The following MPP7 variants were observed in gnomAD, a reference collection of about 807,000 sequenced individuals.
MPP7 encodes the protein MAGUK p55 subfamily member 7.
A neutral mutation model predicts 76.5 loss-of-function variants in MPP7; 60 were observed. That is an observed-to-expected ratio of 0.78 (90% CI 0.64 to 0.97). The LOEUF (loss-of-function observed/expected upper bound fraction) is 0.97, where lower values mean the gene tolerates loss of function less well. Among genes scored for constraint, MPP7 ranks in the 50% least tolerant of loss-of-function variants. The pLI, the probability that MPP7 is intolerant of heterozygous loss-of-function variation, is 0.00. For synonymous variants in MPP7, 237 were observed against 244.5 expected, an observed-to-expected ratio of 0.97 and a Z score of 0.29; for missense variants, 641 against 694.0, an observed-to-expected ratio of 0.92 and a Z score of 0.86.
At chr10:28,138,231 T>G (rs1481143485) in intron 5 of MPP7, among the ~76,000 whole-genome samples, 1 of 152,238 alleles carries the variant, frequency 6.6e-6, no homozygotes, top group African/African-American at 2.4e-5. Context: ...CTCATACAGT[T>G]TAATTTGCCT....
intron 13 of MPP7, among the ~76,000 whole-genome samples, 162 bp downstream of exon 13, chr10:28,069,606 AAAAC>A (rs1564615116): frequency 1.8e-4 from 23 of 131,004 alleles, no homozygotes; most frequent in African/African-American, 6.7e-4. Context: ...CCATCTCAAA[AAAAC>A]AAAACAAACA....
chr10:28,111,874 G>T (rs1834516500), intron 11 of MPP7, among the ~76,000 whole-genome samples: 1 of 152,114 alleles, frequency 6.6e-6, no homozygotes, highest in South Asian at 2.1e-4. Flanking sequence ...ATGAGTCAAG[G>T]TACAAAGCAT....
chr10:28,057,842 C>T (rs974011762), intron 15 of MPP7: 1 of 1,259,450 alleles, frequency 7.9e-7, no homozygotes, highest in African/African-American at 1.6e-5. Flanking sequence ...AAGGAGAAAC[C>T]ATGGTCCCTG....
Position 28,058,646 on chromosome 10 carries a change from A to G in MPP7, c.1299-43T>C, listed in dbSNP as rs773487963. 6.5e-6 allele frequency: 7 copies of G among 1,079,668 alleles called. No individual in the cohort carries two copies. In the Admixed American group the frequency reaches 1.1e-4, roughly 17 times the overall value. The allele number at this position is 1,079,668 out of a possible 1,614,324, so 66.9% of individuals were successfully genotyped here. The stretch of plus-strand genomic sequence containing the variant: ...CATTGGAATCATTTGTGAATTTAAA[A>G]CAATTATAGGTGGCAAGATAAAATT... On this transcript the variant is annotated intron_variant, in intron 14 of 16. Transcript: ENST00000683449.
At chr10:28,179,881 A>G (rs1464629505) in intron 3 of MPP7, among the ~76,000 whole-genome samples, 1 of 152,212 alleles carries the variant, frequency 6.6e-6, no homozygotes, top group Non-Finnish European at 1.5e-5. Context: ...AAACAAATGA[A>G]ATTCACAAAT....
chr10:28,081,331 A>C (rs538246005), intron 12 of MPP7, among the ~76,000 whole-genome samples: 2 of 152,140 alleles, frequency 1.3e-5, no homozygotes, highest in South Asian at 4.1e-4. Flanking sequence ...TGACTTTATT[A>C]CTTTACTTTT....
intron 3 of MPP7, among the ~76,000 whole-genome samples, chr10:28,198,121 T>C (rs1294083526): frequency 1.3e-5 from 2 of 152,184 alleles, no homozygotes; most frequent in Non-Finnish European, 2.9e-5. Flanking sequence ...CATTTTTTCC[T>C]CCTGTTCCCA....
intron 1 of MPP7, among the ~76,000 whole-genome samples, chr10:28,257,173 G>T (rs148180001): frequency 6.6e-6 from 1 of 152,278 alleles, no homozygotes; most frequent in East Asian, 1.9e-4. Flanking sequence ...CAGCAGTTGA[G>T]ATGTCACAGT....
intron 5 of MPP7, among the ~76,000 whole-genome samples, chr10:28,132,489 G>A (rs965131034): frequency 6.6e-5 from 10 of 152,218 alleles, no homozygotes; most frequent in South Asian, 2.1e-4. Flanking sequence ...GGAGTTCAGC[G>A]GTGGGATCAT....
chr10:28,266,994 T>C (rs1486514569), intron 1 of MPP7, among the ~76,000 whole-genome samples: 1 of 152,216 alleles, frequency 6.6e-6, no homozygotes, highest in Non-Finnish European at 1.5e-5. Context: ...CCCATCAACA[T>C]TGTCACAGAT....
At chr10:28,127,098 G>A (rs1835041134) in intron 6 of MPP7, among the ~76,000 whole-genome samples, 1 of 152,192 alleles carries the variant, frequency 6.6e-6, no homozygotes, top group South Asian at 2.1e-4. Flanking sequence ...GCCGTGGTTT[G>A]CAACATAGAA....
intron 6 of MPP7, among the ~76,000 whole-genome samples, chr10:28,126,035 T>G (rs1835007495): frequency 6.6e-6 from 1 of 152,212 alleles, no homozygotes; most frequent in South Asian, 2.1e-4. Flanking sequence ...TTCTCCAGTT[T>G]GTCAATAAAC....
At chr10:28,306,471 C>T (rs1012525529), upstream of MPP7, among the ~76,000 whole-genome samples, 1 of 151,966 alleles carries the variant, frequency 6.6e-6, no homozygotes, top group African/African-American at 2.4e-5. Flanking sequence ...AGCAACATAG[C>T]AAGACATCTT....
intron 5 of MPP7, among the ~76,000 whole-genome samples, chr10:28,141,402 A>G (rs1835514574): frequency 1.3e-5 from 2 of 152,184 alleles, no homozygotes; most frequent in South Asian, 4.1e-4. Flanking sequence ...GGGGGAAATT[A>G]TCTATAATTA....
chr10:28,183,843 TG>T (rs1448452779), intron 3 of MPP7, among the ~76,000 whole-genome samples: 4 of 151,976 alleles, frequency 2.6e-5, no homozygotes, highest in Non-Finnish European at 4.4e-5. Context: ...AAAGCAGCAA[TG>T]TAGCCAAAGG....
intron 5 of MPP7, among the ~76,000 whole-genome samples, chr10:28,145,387 T>C (rs1313913976): frequency 6.6e-6 from 1 of 152,202 alleles, no homozygotes; most frequent in Non-Finnish European, 1.5e-5. Flanking sequence ...TTTTTCATAT[T>C]TTAACTGTCA....
At chr10:28,121,814 A>T (rs977394474) in intron 8 of MPP7, among the ~76,000 whole-genome samples, 22 of 147,448 alleles carry the variant, frequency 1.5e-4, no homozygotes, top group Admixed American at 5.4e-4. Context: ...CATTTATTTA[A>T]AAAAAAAAAA....
intron 6 of MPP7, among the ~76,000 whole-genome samples, chr10:28,125,535 C>T (rs1008425713): frequency 9.2e-5 from 14 of 151,912 alleles, no homozygotes; most frequent in African/African-American, 3.4e-4. Flanking sequence ...AAACTAAAAC[C>T]CAGATCATTT....
intron 11 of MPP7, among the ~76,000 whole-genome samples, chr10:28,111,039 A>G (rs538851017): frequency 2.0e-5 from 3 of 152,276 alleles, no homozygotes; most frequent in East Asian, 1.9e-4. Context: ...GTTATATTCA[A>G]TTTAATCCTA....
Sources: allele counts gnomAD v4.1 joint callset (sites outside exome capture counted in the v4.1 genomes callset), GRCh38; gene constraint gnomAD v4.1.1; transcripts MANE v1.5; gene names NCBI Gene and HGNC (gene_info 2026-07-23, HGNC 2026-07-21).